The following FGF14 variants were observed in gnomAD, a reference collection of about 807,000 sequenced individuals.
FGF14 encodes fibroblast growth factor 14.
A neutral mutation model predicts 25.5 loss-of-function variants in FGF14; 5 were observed. The ratio of observed to expected loss-of-function variants is 0.20; its 90% CI spans 0.10 to 0.41. FGF14 has a LOEUF of 0.41. Ranked by LOEUF, FGF14 falls within the 10% of genes least tolerant of loss-of-function variation. FGF14 has a pLI of 1.00. For synonymous variants in FGF14, 138 were observed against 118.3 expected (o/e 1.17, Z -1.08); for missense variants, 222 against 320.1 (o/e 0.69, Z 2.34).
At chr13:102,023,042 G>A (rs1003804504) in intron 1 of FGF14, among the ~76,000 whole-genome samples, 15 of 59,632 alleles carry the variant, frequency 2.5e-4, no homozygotes, top group African/African-American at 2.4e-4. Flanking sequence ...AAATATTTTC[G>A]GACACACACA....
intron 1 of FGF14, among the ~76,000 whole-genome samples, chr13:101,886,734 A>T (rs1318031514): frequency 6.6e-6 from 1 of 152,148 alleles, no homozygotes; most frequent in African/African-American, 2.4e-5. Context: ...ACAGCAGAGG[A>T]AGCCACCAAC....
chr13:102,220,511 T>C (rs1331566354), intron 1 of FGF14, among the ~76,000 whole-genome samples: 1 of 152,320 alleles, frequency 6.6e-6, no homozygotes. Flanking sequence ...TTTTACTTAT[T>C]GTACTCGCCA....
chr13:101,942,354 C>T (rs2139324002), intron 1 of FGF14, among the ~76,000 whole-genome samples: 1 of 152,058 alleles, frequency 6.6e-6, no homozygotes, highest in South Asian at 2.1e-4. Context: ...GGCAACTATT[C>T]TGGAAAAACA....
chr13:102,156,711 A>T (rs2047358522), intron 1 of FGF14, among the ~76,000 whole-genome samples: 1 of 152,162 alleles, frequency 6.6e-6, no homozygotes, highest in South Asian at 2.1e-4. Flanking sequence ...GGAAAAGAGG[A>T]AGTCAAATTG....
At chr13:102,095,792 A>G (rs1303588926) in intron 1 of FGF14, among the ~76,000 whole-genome samples, 1 of 152,160 alleles carries the variant, frequency 6.6e-6, no homozygotes, top group African/African-American at 2.4e-5. Flanking sequence ...AGACTACAGT[A>G]TACAAAACAT....
At chr13:102,108,997 T>TC (rs2045076301) in intron 1 of FGF14, among the ~76,000 whole-genome samples, 2 of 151,960 alleles carry the variant, frequency 1.3e-5, no homozygotes, top group Admixed American at 1.3e-4. Context: ...CTAGGTTTCA[T>TC]GATGGTCATG....
At chr13:101,844,100 TTG>T (rs1447370568) in intron 3 of FGF14, among the ~76,000 whole-genome samples, 4 of 151,992 alleles carry the variant, frequency 2.6e-5, no homozygotes, top group Non-Finnish European at 5.9e-5. Flanking sequence ...AAAAGCCTTT[TTG>T]TGTGTGTGTC....
chr13:102,335,072 TTCCTTCAGGGCCC>T (rs1276148676), intron 1 of FGF14, among the ~76,000 whole-genome samples: 2 of 152,160 alleles, frequency 1.3e-5, no homozygotes, highest in African/African-American at 4.8e-5. Flanking sequence ...CATATCCATA[TTCCTTCAGGGCCC>T]TCCCTGTGTC....
intron 1 of FGF14, among the ~76,000 whole-genome samples, chr13:102,348,751 C>A (rs950989351): frequency 5.3e-5 from 8 of 152,204 alleles, no homozygotes; most frequent in African/African-American, 1.9e-4. Flanking sequence ...AACCAGGAAA[C>A]TGAAGAAGAA....
At position 102,326,479 on chromosome 13, in the gene FGF14, T is replaced by A. The variant is rs1287039443; in HGVS notation, c.208+74992A>T. On this transcript the variant is annotated intron_variant, in intron 1 of 4. Coordinates refer to the FGF14 transcript ENST00000376131. ...TAGTGATTGGTAAATAAATAATGAA[T>A]GGTATAAATATTTAGCACTACTTCC... Among the ~76,000 whole-genome samples, 6 of 152,066 alleles carry A rather than the reference T, an allele frequency of 3.9e-5. No homozygotes were observed. In the East Asian group the frequency reaches 7.7e-4, roughly 20 times the overall value.
In FGF14 at chr13:102,043,999, G is replaced by A. The variant is rs1369600056; in HGVS notation, c.209-168703C>T. Among the ~76,000 whole-genome samples, 5 of 152,226 alleles carry A rather than the reference G, an allele frequency of 3.3e-5. No individual in the cohort carries two copies. The East Asian group carries it at 9.6e-4, about 29-fold the overall frequency. On this transcript the variant is annotated intron_variant, in intron 1 of 4. Coordinates refer to the FGF14 transcript ENST00000376131. ...TTAAGCTTTAACTCTGGGAAGCTATGAGTGGAACTGCATAGAAATGACACT... is the reference window on the plus strand; with the variant it reads ...TTAAGCTTTAACTCTGGGAAGCTATAAGTGGAACTGCATAGAAATGACACT...
intron 1 of FGF14, among the ~76,000 whole-genome samples, chr13:102,192,688 C>G (rs530394775): frequency 6.6e-5 from 10 of 152,150 alleles, no homozygotes; most frequent in African/African-American, 2.4e-4. Context: ...GTTTGTTTGT[C>G]AAAAATATCA....
rs558584910 is a variant in FGF14, at chr13:101,721,079, T to TAGAA, written c.*1748_*1751dup. Reference sequence around the variant, plus strand: ...ATGATGACTGGGTCATCCTCCCACATAGAAAGAATAACAAGAGGCCAGTAC... The same window carrying TAGAA: ...ATGATGACTGGGTCATCCTCCCACATAGAAAGAAAGAATAACAAGAGGCCAGTAC... On this transcript the variant is annotated 3_prime_UTR_variant, in exon 5 of 5. Transcript: ENST00000376143. 1 of 152,052 alleles carries TAGAA rather than the reference T, an allele frequency of 6.6e-6. No homozygotes were observed. Among genetic ancestry groups the TAGAA allele is most frequent in the Non-Finnish European group, 1.5e-5 (1 of 67,988 alleles). 9.4% of individuals were successfully genotyped at this position (152,052 alleles called of 1,614,324 possible). A position where few individuals can be genotyped will look rare whatever the true frequency, so the allele number is the denominator to read the frequency against.
chr13:102,073,976 C>A (rs1347693487), intron 1 of FGF14, among the ~76,000 whole-genome samples: 1 of 152,180 alleles, frequency 6.6e-6, no homozygotes, highest in African/African-American at 2.4e-5. Context: ...CCCTTCCCAA[C>A]AAGGTCTGAG....
intron 1 of FGF14, among the ~76,000 whole-genome samples, chr13:102,191,564 C>G (rs2049125220): frequency 1.3e-5 from 2 of 152,110 alleles, no homozygotes; most frequent in African/African-American, 4.8e-5. Flanking sequence ...ACCCGAAAGC[C>G]TCATCTCTGA....
chr13:101,776,777 C>G (rs748445982), intron 3 of FGF14, among the ~76,000 whole-genome samples: 1 of 152,152 alleles, frequency 6.6e-6, no homozygotes, highest in Non-Finnish European at 1.5e-5. Flanking sequence ...TTCAAAATAC[C>G]ATGAACTGGG....
At chr13:102,385,181 C>A in intron 1 of FGF14, among the ~76,000 whole-genome samples, 1 of 152,318 alleles carries the variant, frequency 6.6e-6, no homozygotes, top group Non-Finnish European at 1.5e-5. Context: ...TAAAGACTTA[C>A]TGACTACATA....
chr13:102,161,156 A>G (rs956117967), intron 1 of FGF14, among the ~76,000 whole-genome samples: 9 of 152,186 alleles, frequency 5.9e-5, no homozygotes, highest in Admixed American at 3.9e-4. Context: ...TAATGTGAAA[A>G]TATCTACAAT....
chr13:102,374,644 T>TTATATATA (rs55670716), intron 1 of FGF14, among the ~76,000 whole-genome samples: 85 of 49,310 alleles, frequency 1.7e-3, no homozygotes, highest in South Asian at 3.0e-3. Flanking sequence ...CTTACATATT[T>TTATATATA]TATATATATA....
Sources: allele counts gnomAD v4.1 joint callset (sites outside exome capture counted in the v4.1 genomes callset), GRCh38; gene constraint gnomAD v4.1.1; transcripts MANE v1.5; gene names NCBI Gene and HGNC (gene_info 2026-07-23, HGNC 2026-07-21).